Variants in HIVEP3 observed in about 807,000 individuals in gnomAD.
The protein encoded by HIVEP3 is HIVEP zinc finger 3, also known as transcription factor HIVEP3.
A neutral mutation model predicts 152.8 loss-of-function variants in HIVEP3; 49 were observed. That is an observed-to-expected ratio of 0.32 (90% confidence interval 0.26 to 0.41). The LOEUF is 0.41. Ranked by LOEUF, HIVEP3 falls within the 10% of genes least tolerant of loss-of-function variation. The pLI, the probability that HIVEP3 is intolerant of heterozygous loss-of-function variation, is 1.00. For missense variants in HIVEP3, 2,790 were observed against 3,103.3 expected, an observed-to-expected ratio of 0.90 and a Z score of 2.40; for synonymous variants, 1,269 against 1,289.0, an observed-to-expected ratio of 0.98 and a Z score of 0.33.
intron 1 of HIVEP3, among the ~76,000 whole-genome samples, chr1:41,867,617 T>G (rs1644002215): frequency 1.3e-5 from 2 of 152,208 alleles, no homozygotes; most frequent in Non-Finnish European, 2.9e-5. Context: ...TCATGAGTGA[T>G]TCTGTCTCCC....
At position 41,582,569 on chromosome 1, in the gene HIVEP3, A is replaced by T; in HGVS notation, c.2229T>A (p.Ser743=). ...TKSQFGSPGP[S]DAARNLPLES... ...CCAGGGGAAGGTTCCGAGCAGCATC[A>T]GATGGCCCGGGGCTGCCAAACTGAC... Residue 743 remains serine (S), a synonymous_variant, in exon 4 of 9, where the codon TCT becomes TCA. Transcript: ENST00000372583. The surrounding 1 kb of genome is among the most constrained non-coding windows in gnomAD (Gnocchi z 4.7). 1 of 1,612,208 alleles carries T rather than the reference A, an allele frequency of 6.2e-7. No homozygotes were observed. Among genetic ancestry groups the T allele is most frequent in the Non-Finnish European group, 8.5e-7 (1 of 1,178,896 alleles).
intron 1 of HIVEP3, among the ~76,000 whole-genome samples, chr1:41,877,407 C>T (rs1425016272): frequency 2.6e-5 from 4 of 152,210 alleles, no homozygotes; most frequent in African/African-American, 9.7e-5. Context: ...CATAGCCTTT[C>T]ACACCCTGAT....
chr1:42,028,582 C>T (rs1383252476), intron 1 of HIVEP3, among the ~76,000 whole-genome samples: 1 of 152,076 alleles, frequency 6.6e-6, no homozygotes, highest in Admixed American at 6.6e-5. Context: ...TTTCTTAGTC[C>T]AAAAACCTAT....
Position 41,628,927 on chromosome 1 carries a change from G to A in HIVEP3, c.-700C>T. ...CTCCTCCATGAACTAGGTTGAGGCT[G>A]CTGGGTTTGTGCCTCGAATCCTGCA... On this transcript the variant is annotated 5_prime_UTR_variant, in exon 3 of 9. Transcript: ENST00000372583. 1 of 1,230,990 alleles carries A rather than the reference G, an allele frequency of 8.1e-7. No individual in the cohort carries two copies. Among genetic ancestry groups the A allele is most frequent in the Admixed American group, 4.2e-5 (1 of 23,706 alleles). 76.3% of individuals were successfully genotyped at this position (1,230,990 alleles called of 1,614,324 possible).
chr1:41,677,920 G>A (rs1229308531), intron 2 of HIVEP3, among the ~76,000 whole-genome samples: 1 of 152,138 alleles, frequency 6.6e-6, no homozygotes, highest in Non-Finnish European at 1.5e-5. Flanking sequence ...AGATGGGCTA[G>A]GACTCTGAAC....
intron 2 of HIVEP3, among the ~76,000 whole-genome samples, chr1:41,678,474 C>T (rs1645990516): frequency 6.7e-6 from 1 of 149,864 alleles, no homozygotes; most frequent in African/African-American, 2.5e-5. Flanking sequence ...GCTTGGAATT[C>T]CTGTGGGCCT....
At chr1:41,653,646 C>G (rs1269991043) in intron 2 of HIVEP3, among the ~76,000 whole-genome samples, 1 of 152,188 alleles carries the variant, frequency 6.6e-6, no homozygotes, top group African/African-American at 2.4e-5. Flanking sequence ...TTCCTGCCCA[C>G]CTGGGCATCT....
intron 1 of HIVEP3, among the ~76,000 whole-genome samples, chr1:42,003,512 G>A (rs559365821): frequency 1.4e-4 from 22 of 152,106 alleles, no homozygotes; most frequent in Admixed American, 8.5e-4. Flanking sequence ...CGTGCACATC[G>A]AAGTCGACTG....
At chr1:41,659,614 G>T (rs1390949672) in intron 2 of HIVEP3, among the ~76,000 whole-genome samples, 2 of 152,166 alleles carry the variant, frequency 1.3e-5, no homozygotes, top group Non-Finnish European at 2.9e-5. Context: ...TCTATGCCAG[G>T]CTCTCTGCTA....
At chr1:41,923,544 T>C (rs967945599), upstream of HIVEP3, among the ~76,000 whole-genome samples, 31 of 152,062 alleles carry the variant, frequency 2.0e-4, 1 homozygote, top group African/African-American at 6.8e-4. Context: ...GTTTCAGTTA[T>C]ATAGGAGGAA....
At position 41,512,876 on chromosome 1, in the gene HIVEP3, C is replaced by G; in HGVS notation, c.6345G>C (p.Pro2115=). 1 of 1,557,616 alleles carries G rather than the reference C, an allele frequency of 6.4e-7. No individual in the cohort carries two copies. The highest frequency in any genetic ancestry group is 8.7e-7 in the Non-Finnish European group (1 of 1,148,422). Residue 2115 remains proline, a synonymous_variant, in exon 8 of 9, where the codon CCG becomes CCC. Transcript: ENST00000372583. ...GLGLDPRVLF[P]PAPLPHKLLS... ...GGAGCTTGTGAGGTAGAGGCGCGGG[C>G]GGGAAGAGAACCCGTGGGTCCAGCC... is the stretch of plus-strand genomic sequence containing the variant.
chr1:41,952,083 A>C (rs965548259), intron 1 of HIVEP3, among the ~76,000 whole-genome samples: 16 of 152,212 alleles, frequency 1.1e-4, no homozygotes, highest in Admixed American at 6.5e-5. Flanking sequence ...TCCATAAAGC[A>C]GCAGCTCTCC....
intron 2 of HIVEP3, among the ~76,000 whole-genome samples, chr1:41,656,501 G>A (rs1005781807): frequency 9.2e-5 from 14 of 152,256 alleles, no homozygotes; most frequent in African/African-American, 3.1e-4. Context: ...CAAGGAACAC[G>A]TACGTGCTTA....
chr1:41,829,164 G>C (rs1642889124), intron 1 of HIVEP3, among the ~76,000 whole-genome samples: 1 of 152,178 alleles, frequency 6.6e-6, no homozygotes, highest in East Asian at 1.9e-4. Flanking sequence ...GCGTCACAGG[G>C]GTATTATTCC....
At chr1:41,524,244 T>A (rs916815239) in intron 6 of HIVEP3, among the ~76,000 whole-genome samples, 1 of 149,340 alleles carries the variant, frequency 6.7e-6, no homozygotes, top group Non-Finnish European at 1.5e-5. Flanking sequence ...ATGGTGGGAG[T>A]GGAGAGGTGG....
intron 3 of HIVEP3, among the ~76,000 whole-genome samples, chr1:41,594,475 G>A (rs574042994): frequency 3.3e-5 from 5 of 152,300 alleles, no homozygotes; most frequent in Admixed American, 2.6e-4. Context: ...CCCTGCCTCA[G>A]CCTCCCGAAG....
At position 41,510,402 on chromosome 1, in the gene HIVEP3, G is replaced by C; in HGVS notation, c.*49C>G. ...TGATTCGAGGAAAGTGGCTGGAAAC[G>C]TCTGTTGCTGGACACTGGAAGCCAG... On this transcript the variant is annotated 3_prime_UTR_variant, in exon 9 of 9. Transcript: ENST00000372583. 7.2e-7 allele frequency: 1 copy of C among 1,384,426 alleles called. No individual in the cohort carries two copies. The highest frequency in any genetic ancestry group is 2.0e-4 in the Middle Eastern group (1 of 4,964). 85.8% of individuals were successfully genotyped at this position (1,384,426 alleles called of 1,614,324 possible).
chr1:41,777,078 T>C (rs1420203190), intron 1 of HIVEP3, among the ~76,000 whole-genome samples: 1 of 152,122 alleles, frequency 6.6e-6, no homozygotes, highest in East Asian at 1.9e-4. Context: ...AGGAGGGCCG[T>C]GGGAGAAAAG....
At chr1:41,635,535 C>T (rs11807117) in intron 2 of HIVEP3, among the ~76,000 whole-genome samples, 11,040 of 28,360 alleles carry the variant, frequency 0.39, 1,832 homozygotes, top group East Asian at 0.78. Context: ...CATATATGCA[C>T]GTATATGTAT....
Sources: gnomAD v4.1 joint callset for allele counts (sites outside exome capture counted in the v4.1 genomes callset) on GRCh38, gnomAD v4.1.1 for gene constraint, Gnocchi (gnomAD v3.1) non-coding constraint, MANE v1.5 for transcripts, NCBI Gene and HGNC (gene_info 2026-07-23, HGNC 2026-07-21) for gene names.